ASAP1: variants seen among roughly 807,000 people sequenced by gnomAD.
The protein encoded by ASAP1 is arf-GAP with SH3 domain, ANK repeat and PH domain-containing protein 1.
ASAP1 carries 43 observed loss-of-function variants against 145.2 expected under a neutral mutation model. The observed-to-expected ratio is 0.30, with a 90% confidence interval of 0.23 to 0.38. The LOEUF (loss-of-function observed/expected upper bound fraction) is 0.38. Ranked by LOEUF, ASAP1 falls within the 10% of genes least tolerant of loss-of-function variation. ASAP1 has a pLI of 1.00. For synonymous variants in ASAP1, 546 were observed against 515.5 expected (o/e 1.06, Z -0.80); for missense variants, 1,018 against 1,355.3 (o/e 0.75, Z 3.91).
intron 27 of ASAP1, among the ~76,000 whole-genome samples, chr8:130,063,960 C>T (rs1011051571): frequency 3.9e-5 from 6 of 152,048 alleles, no homozygotes; most frequent in Admixed American, 2.6e-4. Context: ...GAAAAGAGTG[C>T]TGGCTGGGTG....
intron 2 of ASAP1, among the ~76,000 whole-genome samples, chr8:130,394,176 C>T (rs11779293): frequency 0.062 from 9,426 of 152,282 alleles, 289 homozygotes; most frequent in Middle Eastern, 0.12. Flanking sequence ...ACTTTGACCA[C>T]CGGTGAGCTG....
intron 9 of ASAP1, among the ~76,000 whole-genome samples, chr8:130,172,904 C>T (rs1565048518): frequency 1.3e-5 from 2 of 152,106 alleles, no homozygotes. Context: ...TGTTACATAC[C>T]CAGATTCTAA....
At chr8:130,062,440 T>C (rs1484903040) in intron 27 of ASAP1, among the ~76,000 whole-genome samples, 2 of 152,210 alleles carry the variant, frequency 1.3e-5, no homozygotes, top group Admixed American at 6.5e-5. Context: ...GTCCCTAAGC[T>C]TCTGCTGAGG....
rs1177498404 is a variant in ASAP1 at position 130,358,344 on chromosome 8, G to A, written c.60-201C>T. Among the ~76,000 whole-genome samples, 2 of 148,480 alleles carry A rather than the reference G, an allele frequency of 1.3e-5. No homozygotes were observed. Among genetic ancestry groups the A allele is most frequent in the African/African-American group, 4.9e-5 (2 of 40,948 alleles). On this transcript the variant is annotated intron_variant, in intron 2 of 29. Transcript: ENST00000518721. This position sits in a 1 kb window ranked among gnomAD's most constrained non-coding sequence, Gnocchi z 4.1. ...GAAGGCAGGCGGCGGCGGCGCTGGC[G>A]GGGCTCGGCGCGGGGCCCTTCAAAC... is the stretch of plus-strand genomic sequence containing the variant.
intron 4 of ASAP1, among the ~76,000 whole-genome samples, chr8:130,229,817 G>A (rs1171858305): frequency 2.6e-5 from 4 of 152,162 alleles, no homozygotes; most frequent in Non-Finnish European, 1.5e-5. Context: ...GAGGTGGGTG[G>A]ATGGCTTGGG....
At chr8:130,341,608 T>C (rs901518997) in intron 3 of ASAP1, among the ~76,000 whole-genome samples, 2 of 152,202 alleles carry the variant, frequency 1.3e-5, no homozygotes, top group African/African-American at 2.4e-5. Flanking sequence ...ACCTCTTAAG[T>C]AGTCTCTGTT....
chr8:130,153,429 G>A (rs1175130232), intron 12 of ASAP1, among the ~76,000 whole-genome samples: 1 of 145,824 alleles, frequency 6.9e-6, no homozygotes, highest in Admixed American at 6.9e-5. Context: ...GAGTACAGTG[G>A]CATAATCATG....
At chr8:130,337,604 G>T (rs1389976253) in intron 3 of ASAP1, among the ~76,000 whole-genome samples, 1 of 152,098 alleles carries the variant, frequency 6.6e-6, no homozygotes, top group African/African-American at 2.4e-5. Flanking sequence ...TATAGATGGG[G>T]GTGAAGGAAG....
intron 1 of ASAP1, among the ~76,000 whole-genome samples, chr8:130,422,018 G>A (rs1829738731): frequency 6.6e-6 from 1 of 152,218 alleles, no homozygotes; most frequent in Admixed American, 6.5e-5. Context: ...ACAGTGAAAT[G>A]TACAAGGTAG....
intron 3 of ASAP1, among the ~76,000 whole-genome samples, chr8:130,288,732 A>G (rs564186001): frequency 2.6e-5 from 4 of 152,336 alleles, no homozygotes; most frequent in South Asian, 4.1e-4. Context: ...AAGCACAGGT[A>G]ATCTGCCCCA....
intron 2 of ASAP1, among the ~76,000 whole-genome samples, chr8:130,386,372 C>T (rs1290785080): frequency 1.3e-5 from 2 of 152,192 alleles, no homozygotes; most frequent in East Asian, 1.9e-4. Flanking sequence ...GTGCTGACCA[C>T]GGAGGTAACA....
At chr8:130,435,699 C>T (rs1387398942) in intron 1 of ASAP1, among the ~76,000 whole-genome samples, 1 of 152,104 alleles carries the variant, frequency 6.6e-6, no homozygotes, top group African/African-American at 2.4e-5. Context: ...TCAGGACCCT[C>T]AAAGAGATCA....
intron 27 of ASAP1, among the ~76,000 whole-genome samples, chr8:130,067,377 C>A (rs1020936259): frequency 1.3e-5 from 2 of 152,130 alleles, no homozygotes; most frequent in African/African-American, 4.8e-5. Context: ...GAACTCAGAT[C>A]CACTATGTGA....
intron 1 of ASAP1, among the ~76,000 whole-genome samples, chr8:130,410,436 T>C (rs1239971658): frequency 6.6e-6 from 1 of 152,124 alleles, no homozygotes; most frequent in East Asian, 1.9e-4. Flanking sequence ...AAGTTTATTC[T>C]ATACTCGGAG....
chr8:130,285,903 G>A (rs911534442), intron 3 of ASAP1, among the ~76,000 whole-genome samples: 3 of 152,142 alleles, frequency 2.0e-5, no homozygotes, highest in Non-Finnish European at 4.4e-5. Flanking sequence ...GCAAAATAAT[G>A]AGCCAAGGCT....
intron 27 of ASAP1, chr8:130,069,726 C>T (rs1312259992): frequency 6.6e-6 from 1 of 152,110 alleles, no homozygotes; most frequent in Non-Finnish European, 1.5e-5. Context: ...ATTAAACGGC[C>T]CTAACCCAGT....
At chr8:130,326,655 C>T (rs1824352711) in intron 3 of ASAP1, among the ~76,000 whole-genome samples, 1 of 152,204 alleles carries the variant, frequency 6.6e-6, no homozygotes, top group African/African-American at 2.4e-5. Flanking sequence ...AGAGAAAACA[C>T]CAGCAACAAC....
At chr8:130,330,103 G>A (rs1437572277) in intron 3 of ASAP1, among the ~76,000 whole-genome samples, 6 of 152,128 alleles carry the variant, frequency 3.9e-5, no homozygotes, top group African/African-American at 2.4e-5. Flanking sequence ...TCCCACACAC[G>A]TCCCCAACAA....
Position 130,112,098 on chromosome 8 carries a change from C to G in ASAP1, c.2397G>C (p.Gly799=). 6.2e-7 allele frequency: 1 copy of G among 1,613,544 alleles called. No individual in the cohort carries two copies. The highest frequency in any genetic ancestry group is 8.5e-7 in the Non-Finnish European group (1 of 1,179,628). Residue 799 remains glycine, a synonymous_variant, in exon 24 of 30, where the codon GGG becomes GGC. Coordinates refer to ENST00000518721, the MANE Select transcript of ASAP1 (RefSeq NM_018482.4). ...EAPPLPPRNA[G]KGPTGPPSTL... The stretch of plus-strand genomic sequence containing the variant: ...AGCCCTTCTCAAAGCCCATACCTTT[C>G]CCGGCGTTCCTAGGAGGCAGAGGGG...
Sources: gnomAD v4.1 joint callset for allele counts (sites outside exome capture counted in the v4.1 genomes callset) on GRCh38, gnomAD v4.1.1 for gene constraint, Gnocchi (gnomAD v3.1) non-coding constraint, MANE v1.5 for transcripts, NCBI Gene and HGNC (gene_info 2026-07-23, HGNC 2026-07-21) for gene names.